The following TMPRSS15 variants were observed in gnomAD, a reference collection of about 807,000 sequenced individuals.
The protein encoded by TMPRSS15 is transmembrane serine protease 15.
TMPRSS15 carries 128 observed loss-of-function variants against 125.3 expected under a neutral mutation model. That is an observed-to-expected ratio of 1.02 (90% CI 0.89 to 1.18). The LOEUF (loss-of-function observed/expected upper bound fraction) is 1.18, where lower values mean the gene tolerates loss of function less well. Among genes scored for constraint, TMPRSS15 ranks in the 50% most tolerant of loss-of-function variants. TMPRSS15 has a pLI of 0.00. For synonymous variants in TMPRSS15, 446 were observed against 423.2 expected, an observed-to-expected ratio of 1.05 and a Z score of -0.66; for missense variants, 1,283 against 1,212.7, an observed-to-expected ratio of 1.06 and a Z score of -0.86.
intron 1 of TMPRSS15, among the ~76,000 whole-genome samples, chr21:18,477,101 G>A (rs536383511): frequency 3.4e-4 from 52 of 152,156 alleles, no homozygotes; most frequent in African/African-American, 1.1e-3. Context: ...AATATGATAC[G>A]CCTTGACCAG....
rs552535102 is a variant in TMPRSS15, at chr21:18,346,876, A to G, written c.1172-2816T>C. On this transcript the variant is annotated intron_variant, in intron 10 of 24. Coordinates refer to ENST00000284885, the MANE Select transcript of TMPRSS15 (RefSeq NM_002772.3). ...TTTTATTATCTCTTTATTTCTTATT[A>G]AACCAAATACAAATACAGTCTGATA... Among the ~76,000 whole-genome samples the G allele has an allele frequency of 2.6e-4, 40 of 152,312 alleles. 2 individuals carry two copies. The highest frequency in any genetic ancestry group is 8.4e-4 in the African/African-American group (35 of 41,572).
rs115980273 is a variant in TMPRSS15, at chr21:18,295,097, A to G, written c.2262-445T>C. Among the ~76,000 whole-genome samples the G allele has an allele frequency of 3.4e-3, 517 of 152,292 alleles. 1 individual carries two copies. The highest frequency in any genetic ancestry group is 0.012 in the African/African-American group (501 of 41,564). ...AGTATGCCTCAGTATTGCCAATCTG[A>G]CAACTATTCCGTGCCCAACACCGTG... is the stretch of plus-strand genomic sequence containing the variant. On this transcript the variant is annotated intron_variant, in intron 19 of 24. Coordinates refer to ENST00000284885, the MANE Select transcript of TMPRSS15 (RefSeq NM_002772.3).
chr21:18,352,991 A>G lies in TMPRSS15; in HGVS notation c.1083T>C (p.Asn361=), dbSNP rs546960004. ...GAATCCTTTCCCATTCATTATCATC[A>G]TTTAGATCCTGGACCCAGAAACAAA... ...DGFCFWVQDL[N]DDNEWERIQG... Residue 361 remains asparagine (N), a synonymous_variant, in exon 10 of 25, where the codon AAT becomes AAC. Coordinates refer to ENST00000284885, the MANE Select transcript of TMPRSS15 (RefSeq NM_002772.3). 2.5e-6 allele frequency: 4 copies of G among 1,612,046 alleles called. No homozygotes were observed. Among genetic ancestry groups the G allele is most frequent in the Non-Finnish European group, 2.5e-6 (3 of 1,178,906 alleles).
intron 1 of TMPRSS15, among the ~76,000 whole-genome samples, chr21:18,443,808 A>G (rs2076248521): frequency 6.6e-6 from 1 of 152,176 alleles, no homozygotes; most frequent in Non-Finnish European, 1.5e-5. Context: ...ACCGGTAGAC[A>G]AGCAGGCAAT....
chr21:18,478,281 C>T (rs928373934), intron 1 of TMPRSS15, among the ~76,000 whole-genome samples: 1 of 151,942 alleles, frequency 6.6e-6, no homozygotes, highest in Non-Finnish European at 1.5e-5. Context: ...CCGTCCCTAC[C>T]CAGTTTGATT....
intron 18 of TMPRSS15, among the ~76,000 whole-genome samples, chr21:18,298,294 A>G (rs978319519): frequency 1.3e-5 from 2 of 152,202 alleles, no homozygotes; most frequent in Non-Finnish European, 2.9e-5. Context: ...CATGTAGATA[A>G]CAACATAGAC....
At chr21:18,273,313 T>G (rs917817878) in intron 24 of TMPRSS15, among the ~76,000 whole-genome samples, 1 of 152,212 alleles carries the variant, frequency 6.6e-6, no homozygotes, top group African/African-American at 2.4e-5. Context: ...ACTTAAATAA[T>G]GTATCAGTAA....
chr21:18,475,677 C>A lies in TMPRSS15; in HGVS notation c.10+10122G>T, dbSNP rs183799878. On this transcript the variant is annotated intron_variant, in intron 1 of 7. Coordinates refer to the TMPRSS15 transcript ENST00000422787. Reference sequence around the variant, plus strand: ...ATAAAAGGAGATTTCAATAAAAATGCTGATTATTTCCTGTTAATTTTGAGT... The same window carrying A: ...ATAAAAGGAGATTTCAATAAAAATGATGATTATTTCCTGTTAATTTTGAGT... Among the ~76,000 whole-genome samples the A allele has an allele frequency of 3.9e-4, 60 of 152,254 alleles. 1 individual carries two copies. The highest frequency in any genetic ancestry group is 1.4e-3 in the African/African-American group (58 of 41,552).
At chr21:18,374,353 G>A (rs922843064) in intron 5 of TMPRSS15, among the ~76,000 whole-genome samples, 1 of 151,094 alleles carries the variant, frequency 6.6e-6, no homozygotes, top group African/African-American at 2.4e-5. Flanking sequence ...GGCGCCTGTA[G>A]TCCCAGCTAC....
chr21:18,336,468 T>A (rs1298419143), intron 13 of TMPRSS15, among the ~76,000 whole-genome samples: 1 of 152,220 alleles, frequency 6.6e-6, no homozygotes, highest in Admixed American at 6.5e-5. Flanking sequence ...AAGTAAAATG[T>A]TCCATAAAAT....
At chr21:18,397,981 A>C (rs1374879171) in intron 2 of TMPRSS15, 35 bp from the exon 3 acceptor site, 1 of 1,352,330 alleles carries the variant, frequency 7.4e-7, no homozygotes, top group Non-Finnish European at 1.0e-6. Flanking sequence ...GAGTATACTA[A>C]ATTTAGGATT....
chr21:18,465,790 T>C (rs931260031), intron 1 of TMPRSS15, among the ~76,000 whole-genome samples: 3 of 152,216 alleles, frequency 2.0e-5, no homozygotes, highest in Non-Finnish European at 4.4e-5. Context: ...AAGCCTTCTA[T>C]GCTCATGGAT....
intron 21 of TMPRSS15, among the ~76,000 whole-genome samples, chr21:18,291,614 AG>A (rs1276787739): frequency 1.3e-5 from 2 of 152,214 alleles, no homozygotes; most frequent in Non-Finnish European, 2.9e-5. Context: ...TAGCACAATT[AG>A]GCTTTTAAAG....
chr21:18,278,924 G>GTTTTTTTTTTTTTTTTTTTTTT, intron 23 of TMPRSS15, 40 bp downstream of exon 23: 1 of 438,022 alleles, frequency 2.3e-6, no homozygotes, highest in East Asian at 6.2e-5. Flanking sequence ...CACCAGTAAG[G>GTTTTTTTTTTTTTTTTTTTTTT]TTTTTTTTTT....
At chr21:18,394,509 A>G (rs1386530842) in intron 3 of TMPRSS15, among the ~76,000 whole-genome samples, 1 of 151,646 alleles carries the variant, frequency 6.6e-6, no homozygotes, top group African/African-American at 2.4e-5. Context: ...ATCTTCATGT[A>G]TGGCATTCTC....
intron 18 of TMPRSS15, among the ~76,000 whole-genome samples, chr21:18,302,204 T>G (rs953838592): frequency 2.6e-5 from 4 of 152,144 alleles, no homozygotes; most frequent in Non-Finnish European, 5.9e-5. Context: ...CCCAAAAGGT[T>G]TAAGTAATGA....
At chr21:18,327,469 C>T (rs2075303480) in intron 15 of TMPRSS15, among the ~76,000 whole-genome samples, 1 of 152,064 alleles carries the variant, frequency 6.6e-6, no homozygotes, top group African/African-American at 2.4e-5. Context: ...TGTGTGGCTC[C>T]CAAAATCCTC....
At chr21:18,475,228 T>C (rs1978857595) in intron 1 of TMPRSS15, among the ~76,000 whole-genome samples, 1 of 152,202 alleles carries the variant, frequency 6.6e-6, no homozygotes, top group South Asian at 2.1e-4. Context: ...TTGATTCCTA[T>C]TCTATTAGCT....
chr21:18,326,961 AT>A (rs2075298725), intron 15 of TMPRSS15, among the ~76,000 whole-genome samples: 2 of 152,130 alleles, frequency 1.3e-5, no homozygotes, highest in Admixed American at 6.5e-5. Flanking sequence ...CATATTCAGT[AT>A]TTTTTTGTAT....
Sources: allele counts gnomAD v4.1 joint callset (sites outside exome capture counted in the v4.1 genomes callset), GRCh38; gene constraint gnomAD v4.1.1; transcripts MANE v1.5; gene names NCBI Gene and HGNC (gene_info 2026-07-23, HGNC 2026-07-21).